RBPJ: variants seen among roughly 807,000 people sequenced by gnomAD.
The protein encoded by RBPJ is recombining binding protein suppressor of hairless.
RBPJ carries 9 observed loss-of-function variants against 67.8 expected under a neutral mutation model. That is an observed-to-expected ratio of 0.13 (90% CI 0.08 to 0.23). The LOEUF is 0.23. Among genes scored for constraint, RBPJ ranks in the 10% least tolerant of loss-of-function variants. The pLI is 1.00. For synonymous variants in RBPJ, 198 were observed against 203.3 expected, an observed-to-expected ratio of 0.97 and a Z score of 0.22; for missense variants, 305 against 595.6, an observed-to-expected ratio of 0.51 and a Z score of 5.08.
intron 1 of RBPJ, among the ~76,000 whole-genome samples, chr4:26,214,533 A>AAGGGAGGGAGGG (rs139788316): frequency 1.3e-5 from 1 of 77,232 alleles, no homozygotes; most frequent in Non-Finnish European, 2.4e-5. Context: ...GGGAAGGAGG[A>AAGGGAGGGAGGG]AGGGAGGGAG....
intron 1 of RBPJ, among the ~76,000 whole-genome samples, chr4:26,198,024 G>A (rs899046485): frequency 1.6e-4 from 24 of 152,060 alleles, no homozygotes; most frequent in African/African-American, 5.1e-4. Context: ...TTGGGAGGCC[G>A]AGGGGGGTGG....
chr4:26,192,925 A>G (rs749834251), intron 1 of RBPJ, among the ~76,000 whole-genome samples: 1 of 152,162 alleles, frequency 6.6e-6, no homozygotes, highest in Non-Finnish European at 1.5e-5. Context: ...AATATCCTGG[A>G]TTCTACAAGG....
chr4:26,211,942 G>A (rs1246629505), intron 1 of RBPJ, among the ~76,000 whole-genome samples: 2 of 152,108 alleles, frequency 1.3e-5, no homozygotes, highest in Non-Finnish European at 2.9e-5. Flanking sequence ...ACCTGAAGAC[G>A]AAGGCAGAGA....
chr4:26,424,237 T>G lies in RBPJ; in HGVS notation c.497-105T>G. On this transcript the variant is annotated intron_variant, in intron 5 of 10. Transcript: ENST00000355476. This position sits in a 1 kb window ranked among gnomAD's most constrained non-coding sequence, Gnocchi z 5.3. Reference sequence around the variant, plus strand: ...TGAAAATATTTGTCAAACTGTTAAATGATAAGAAAGAATAATTATACACTG... The same window carrying G: ...TGAAAATATTTGTCAAACTGTTAAAGGATAAGAAAGAATAATTATACACTG... 3 of 1,083,782 alleles carry G rather than the reference T, an allele frequency of 2.8e-6. No individual in the cohort carries two copies. Among genetic ancestry groups the G allele is most frequent in the Non-Finnish European group, 2.7e-6 (2 of 739,952 alleles). 67.1% of individuals were successfully genotyped at this position (1,083,782 alleles called of 1,614,324 possible).
intron 1 of RBPJ, among the ~76,000 whole-genome samples, chr4:26,279,371 C>T (rs1721182890): frequency 6.6e-6 from 1 of 152,164 alleles, no homozygotes; most frequent in Non-Finnish European, 1.5e-5. Context: ...ACCTCCGCCT[C>T]CCAGGTTCAA....
At chr4:26,407,087 G>A (rs1159394739) in intron 3 of RBPJ, among the ~76,000 whole-genome samples, 1 of 152,076 alleles carries the variant, frequency 6.6e-6, no homozygotes, top group Non-Finnish European at 1.5e-5. Flanking sequence ...TTTTTCTTTT[G>A]GGCTACATAA....
chr4:26,237,486 A>G (rs980417825), intron 1 of RBPJ, among the ~76,000 whole-genome samples: 4 of 152,220 alleles, frequency 2.6e-5, no homozygotes, highest in Non-Finnish European at 5.9e-5. Flanking sequence ...GAAAAATTAG[A>G]AGGAAAATGT....
chr4:26,113,885 A>G, the RBPJ span: 1 of 160,268 alleles, frequency 6.2e-6, no homozygotes, highest in Non-Finnish European at 1.4e-5. Flanking sequence ...TTCAACTTTT[A>G]AAAATTAGAG....
chr4:26,413,483 G>T (rs961654753), intron 3 of RBPJ, among the ~76,000 whole-genome samples: 22 of 151,988 alleles, frequency 1.4e-4, no homozygotes, highest in African/African-American at 5.1e-4. Context: ...GAGGAATTTT[G>T]TCTAATTTTT....
chr4:26,122,140 T>C, the RBPJ span, among the ~76,000 whole-genome samples: 1 of 152,150 alleles, frequency 6.6e-6, no homozygotes, highest in Non-Finnish European at 1.5e-5. Context: ...GCTCTGGCCT[T>C]CCAGCAGCCA....
At chr4:26,296,970 T>G (rs922157536) in intron 1 of RBPJ, among the ~76,000 whole-genome samples, 2 of 152,140 alleles carry the variant, frequency 1.3e-5, no homozygotes, top group African/African-American at 4.8e-5. Flanking sequence ...ATATCCTGTG[T>G]TTATAGAATT....
chr4:26,233,448 C>A (rs1446891221), intron 1 of RBPJ, among the ~76,000 whole-genome samples: 1 of 152,200 alleles, frequency 6.6e-6, no homozygotes, highest in Non-Finnish European at 1.5e-5. Flanking sequence ...TTCAGAAAAT[C>A]ATATACCCTG....
the RBPJ span, among the ~76,000 whole-genome samples, chr4:26,155,260 A>C: frequency 0.013 from 1,903 of 152,166 alleles, 44 homozygotes; most frequent in African/African-American, 0.043. Flanking sequence ...AGATATAAAA[A>C]CATTTTCTAA....
chr4:26,173,926 TA>T (rs1002464529), intron 1 of RBPJ, among the ~76,000 whole-genome samples: 2 of 152,130 alleles, frequency 1.3e-5, no homozygotes, highest in African/African-American at 4.8e-5. Context: ...GAGAGGTGTG[TA>T]CAAAGTACCG....
At chr4:26,248,750 GAGTC>G (rs895618755) in intron 1 of RBPJ, among the ~76,000 whole-genome samples, 1 of 152,100 alleles carries the variant, frequency 6.6e-6, no homozygotes, top group Non-Finnish European at 1.5e-5. Flanking sequence ...TGGGAGAGAG[GAGTC>G]AGTAAGAATC....
At chr4:26,214,914 A>G (rs1268511026) in intron 1 of RBPJ, among the ~76,000 whole-genome samples, 3 of 89,440 alleles carry the variant, frequency 3.4e-5, no homozygotes, top group Non-Finnish European at 7.7e-5. Context: ...GAAAGAAAAA[A>G]GAGAAAAAAG....
At chr4:26,110,768 A>G in the RBPJ span, among the ~76,000 whole-genome samples, 7 of 152,122 alleles carry the variant, frequency 4.6e-5, no homozygotes, top group Admixed American at 2.0e-4. This position sits in a 1 kb window ranked among gnomAD's most constrained non-coding sequence, Gnocchi z 4.5. Flanking sequence ...GGGTGTGTCC[A>G]TAGGTGGGTG....
chr4:26,378,623 A>T (rs961835189), intron 1 of RBPJ, among the ~76,000 whole-genome samples: 1 of 152,228 alleles, frequency 6.6e-6, no homozygotes, highest in Non-Finnish European at 1.5e-5. Context: ...AGATCTTTTC[A>T]TTCTTCCTGC....
intron 1 of RBPJ, among the ~76,000 whole-genome samples, chr4:26,172,920 A>T (rs1172186777): frequency 6.6e-6 from 1 of 152,152 alleles, no homozygotes; most frequent in Non-Finnish European, 1.5e-5. Context: ...ACATAGTCAT[A>T]TGCCTGGCTT....
Sources: gnomAD v4.1 joint callset for allele counts (sites outside exome capture counted in the v4.1 genomes callset) on GRCh38, gnomAD v4.1.1 for gene constraint, Gnocchi (gnomAD v3.1) non-coding constraint, MANE v1.5 for transcripts, NCBI Gene and HGNC (gene_info 2026-07-23, HGNC 2026-07-21) for gene names.